SEC16B: variants seen among roughly 807,000 people sequenced by gnomAD.
SEC16B encodes the protein protein transport protein Sec16B.
Under a neutral mutation model 141.8 loss-of-function variants are expected in SEC16B, and 115 were observed. That is an observed-to-expected ratio of 0.81 (90% confidence interval 0.70 to 0.95). The LOEUF is 0.95. SEC16B is among the 40% of genes least tolerant of loss of function. The pLI is 0.00. For missense variants in SEC16B, 1,291 were observed against 1,312.3 expected, an observed-to-expected ratio of 0.98 and a Z score of 0.25; for synonymous variants, 493 against 492.5, an observed-to-expected ratio of 1.00 and a Z score of -0.01.
At chr1:177,958,412 T>C (rs747894308) in intron 9 of SEC16B, 50 bp from the exon 10 acceptor site, 10 of 1,431,116 alleles carry the variant, frequency 7.0e-6, no homozygotes, top group Non-Finnish European at 9.3e-6. Context: ...GTCCTCAGGC[T>C]GGCAGCCCCA....
In SEC16B at chr1:177,961,662, T is replaced by C. The variant is rs1179452592; in HGVS notation, c.715A>G (p.Ser239Gly). The change falls in exon 6 of 26, where the codon AGT becomes GGT. Residue 239 changes from serine to glycine, a missense_variant. This residue lies in a region of SEC16B where 681 missense variants were observed against 675.5 expected (regional missense o/e 1.01). Transcript: ENST00000308284. The part of the protein sequence containing the change: ...SGLSSSSYEL[S>G]QYIRDAPERD... ...TCCGGGGCATCTCTGATGTACTGACTGAGCTCATAGCTGCTGGAGCTGAGA... is the reference window on the plus strand; with the variant it reads ...TCCGGGGCATCTCTGATGTACTGACCGAGCTCATAGCTGCTGGAGCTGAGA... 5 of 1,613,992 alleles carry C rather than the reference T, an allele frequency of 3.1e-6. No homozygotes were observed. Among genetic ancestry groups the C allele is most frequent in the Non-Finnish European group, 4.2e-6 (5 of 1,179,868 alleles).
At chr1:177,974,659 G>A (rs146018467), upstream of SEC16B, among the ~76,000 whole-genome samples, 159 of 152,294 alleles carry the variant, frequency 1.0e-3, 2 homozygotes, top group African/African-American at 3.4e-3. Flanking sequence ...ATTAGACATA[G>A]AAATCACTTC....
upstream of SEC16B, among the ~76,000 whole-genome samples, chr1:177,972,809 A>G (rs1029567436): frequency 1.3e-5 from 2 of 152,218 alleles, no homozygotes; most frequent in African/African-American, 4.8e-5. Context: ...TAGGCCTCCA[A>G]GAAGTAATTA....
rs145387172 is a variant in SEC16B, at chr1:177,933,233, G to A, written c.2804C>T (p.Ser935Leu). ...GCCTACCTCAGAGTCAGGGCTGTCTGAGGAGTCCTCGTCTCCAGCGGGGGA... is the reference window on the plus strand; with the variant it reads ...GCCTACCTCAGAGTCAGGGCTGTCTAAGGAGTCCTCGTCTCCAGCGGGGGA... Reference protein sequence around the residue: ...NASPAGDEDSSDSPDSEETPR... With the variant: ...NASPAGDEDSLDSPDSEETPR... Residue 935 changes from serine to leucine, a missense_variant, in exon 22 of 26, where the codon TCA becomes TTA. By Grantham distance (145) the Ser-to-Leu change is moderately radical. Around this residue, in one of 3 missense-constraint regions of SEC16B, gnomAD observed 605 missense variants for 614.1 expected, o/e 0.99. Transcript: ENST00000308284. The A allele has an allele frequency of 7.0e-4, 1,115 of 1,587,946 alleles. 9 individuals carry two copies. In the African/African-American group the frequency reaches 0.013, roughly 19 times the overall value.
At chr1:177,931,152 T>C (rs576758620) in intron 24 of SEC16B, among the ~76,000 whole-genome samples, 1 of 152,300 alleles carries the variant, frequency 6.6e-6, no homozygotes, top group South Asian at 2.1e-4. Context: ...CAATTCACAA[T>C]TGCAAAACGT....
chr1:177,933,483 C>G lies in SEC16B; in HGVS notation c.2724+1G>C. The G allele has an allele frequency of 6.2e-7, 1 of 1,612,530 alleles. No individual in the cohort carries two copies. Among genetic ancestry groups the G allele is most frequent in the Non-Finnish European group, 8.5e-7 (1 of 1,179,228 alleles). ...GGGGAGAGAAGAACAAGTCCCTCCA[C>G]CTTTGTATGCTCCTTCCCATCTCCG... On this transcript the variant is annotated splice_donor_variant, in intron 21 of 25. Coordinates refer to ENST00000308284, the MANE Select transcript of SEC16B (RefSeq NM_033127.4). LOFTEE classifies it high-confidence loss of function.
At chr1:177,959,500 T>C (rs1193255293) in intron 8 of SEC16B, 1 of 167,902 alleles carries the variant, frequency 6.0e-6, no homozygotes, top group Non-Finnish European at 1.3e-5. Context: ...ACCCCAGTGT[T>C]TGAATACCCA....
At chr1:177,962,540 C>T (rs1653157667) in intron 5 of SEC16B, among the ~76,000 whole-genome samples, 1 of 149,976 alleles carries the variant, frequency 6.7e-6, no homozygotes, top group Non-Finnish European at 1.5e-5. Flanking sequence ...AATTTGAGAC[C>T]CCAAATTGCA....
chr1:177,930,706 G>T, intron 24 of SEC16B, 63 bp from the exon 25 acceptor site: 1 of 1,213,584 alleles, frequency 8.2e-7, no homozygotes, highest in Non-Finnish European at 1.2e-6. Flanking sequence ...GAATGTCGAG[G>T]CCTTCAAGAA....
At position 177,946,536 on chromosome 1, in the gene SEC16B, G is replaced by T. The variant is rs370130122; in HGVS notation, c.1664-5C>A. 3.2e-6 allele frequency: 5 copies of T among 1,563,296 alleles called. No homozygotes were observed. In the East Asian group the frequency reaches 9.5e-5, roughly 30 times the overall value. On this transcript the variant is annotated splice_polypyrimidine_tract_variant and splice_region_variant and intron_variant, in intron 13 of 25. Coordinates refer to ENST00000308284, the MANE Select transcript of SEC16B (RefSeq NM_033127.4). Reference sequence around the variant, plus strand: ...CCTCCACAAGCCCCTTCCCAGCTGCGGGAGGAAGAGAACAAGACCCAATCA... The same window carrying T: ...CCTCCACAAGCCCCTTCCCAGCTGCTGGAGGAAGAGAACAAGACCCAATCA...
chr1:177,958,386 G>A, intron 9 of SEC16B, 24 bp from the exon 10 acceptor site: 1 of 1,521,810 alleles, frequency 6.6e-7, no homozygotes, highest in Non-Finnish European at 8.9e-7. Flanking sequence ...AGGATCATCT[G>A]GGGAGAATCC....
At chr1:177,962,278 G>A (rs1321386441) in intron 5 of SEC16B, among the ~76,000 whole-genome samples, 2 of 151,876 alleles carry the variant, frequency 1.3e-5, no homozygotes, top group African/African-American at 4.8e-5. Context: ...CACCATGTTG[G>A]CCAGGATGGT....
At chr1:177,958,693 T>A (rs1652820143) in intron 9 of SEC16B, 147 bp downstream of exon 9, 1 of 1,007,626 alleles carries the variant, frequency 9.9e-7, no homozygotes. Flanking sequence ...CAAACTCGCA[T>A]TGACATTTGA....
At chr1:177,958,552 G>A (rs1170772689) in intron 9 of SEC16B, 190 bp from the exon 10 acceptor site, 3 of 603,476 alleles carry the variant, frequency 5.0e-6, no homozygotes, top group Non-Finnish European at 5.6e-6. Context: ...TTTTCTGCCT[G>A]TCAGGAGCCA....
chr1:177,973,619 T>G (rs2102019377), upstream of SEC16B, among the ~76,000 whole-genome samples: 1 of 152,290 alleles, frequency 6.6e-6, no homozygotes, highest in East Asian at 1.9e-4. Context: ...TCAGTCTGCT[T>G]TTCTTGATAG....
At chr1:177,948,861 A>T (rs1651942928) in intron 12 of SEC16B, among the ~76,000 whole-genome samples, 1 of 152,116 alleles carries the variant, frequency 6.6e-6, no homozygotes. Flanking sequence ...TAGTTGTGTA[A>T]AGCACATCGC....
At chr1:177,947,803 G>A (rs1484411924) in intron 13 of SEC16B, 22 bp downstream of exon 13, 4 of 1,484,184 alleles carry the variant, frequency 2.7e-6, no homozygotes, top group East Asian at 2.5e-5. Context: ...GGGAGCGGAG[G>A]GGAAATGCTG....
intron 15 of SEC16B, among the ~76,000 whole-genome samples, chr1:177,942,263 C>T (rs1016466855): frequency 9.8e-5 from 15 of 152,354 alleles, no homozygotes; most frequent in East Asian, 3.9e-4. Flanking sequence ...GAGTCCCATC[C>T]GCTCAAACTT....
At chr1:177,983,912 T>C (rs778759305) in intron 1 of SEC16B, among the ~76,000 whole-genome samples, 30 of 152,204 alleles carry the variant, frequency 2.0e-4, no homozygotes, top group Admixed American at 9.2e-4. Context: ...TAACAATCCA[T>C]TCCATCCCCC....
Sources: gnomAD v4.1 joint callset for allele counts (sites outside exome capture counted in the v4.1 genomes callset) on GRCh38, gnomAD v4.1.1 for gene constraint, gnomAD v4.1.1 regional missense constraint, MANE v1.5 for transcripts, NCBI Gene and HGNC (gene_info 2026-07-23, HGNC 2026-07-21) for gene names.